The following AATF variants were observed in gnomAD, a reference collection of about 807,000 sequenced individuals.
AATF encodes protein AATF.
In AATF, 48 loss-of-function variants were observed where a neutral mutation model predicts 63.7. That is an observed-to-expected ratio of 0.75 (90% CI 0.60 to 0.96). The LOEUF is 0.96. AATF is among the 40% of genes least tolerant of loss of function. The pLI, the probability that AATF is intolerant of heterozygous loss-of-function variation, is 0.00. For missense variants in AATF, 639 were observed against 685.7 expected, an observed-to-expected ratio of 0.93 and a Z score of 0.76; for synonymous variants, 258 against 247.7, an observed-to-expected ratio of 1.04 and a Z score of -0.39.
Position 37,020,940 on chromosome 17 carries a change from G to T in AATF, c.1473G>T (p.Trp491Cys). The T allele has an allele frequency of 1.2e-6, 2 of 1,610,752 alleles. No individual in the cohort carries two copies. Among genetic ancestry groups the T allele is most frequent in the Non-Finnish European group, 1.7e-6 (2 of 1,178,466 alleles). ...PNDQVAMGRQ[W>C]LAIQKLRSKI... ...TTGCTTGTGAATTTTCCAGGCAGTG[G>T]CTTGCAATCCAGAAGTTACGAAGCA... Residue 491 changes from tryptophan (W) to cysteine (C), a missense_variant, in exon 10 of 12, where the codon TGG becomes TGT. Transcript: ENST00000619387.
At chr17:36,985,407 T>C (rs932088387) in intron 4 of AATF, among the ~76,000 whole-genome samples, 5 of 151,040 alleles carry the variant, frequency 3.3e-5, no homozygotes, top group Non-Finnish European at 7.4e-5. Flanking sequence ...ACCAAGTAGC[T>C]GGAACTACAG....
rs372820255 is a variant in AATF, at chr17:37,052,981, C to T, written c.1620-3620C>T. Among the ~76,000 whole-genome samples the T allele has an allele frequency of 1.7e-4, 26 of 152,212 alleles. No individual in the cohort carries two copies. The South Asian group carries it at 5.4e-3, about 32-fold the overall frequency. ...TAATGTTTGGGGACGAGTCACTGTG[C>T]GATTTTTTGTGTGTGCTGTATAATT... On this transcript the variant is annotated intron_variant, in intron 11 of 11. Coordinates refer to ENST00000619387, the MANE Select transcript of AATF (RefSeq NM_012138.4).
At chr17:37,012,772 A>G (rs552801565) in intron 8 of AATF, among the ~76,000 whole-genome samples, 91 of 152,310 alleles carry the variant, frequency 6.0e-4, no homozygotes, top group African/African-American at 2.2e-3. Context: ...TTTTCAACAA[A>G]TGGTATAATG....
intron 8 of AATF, among the ~76,000 whole-genome samples, chr17:37,016,631 A>G (rs1243888348): frequency 6.6e-6 from 1 of 152,234 alleles, no homozygotes; most frequent in Non-Finnish European, 1.5e-5. Context: ...ATTTTAGTAG[A>G]AAGGTTTATT....
intron 4 of AATF, 91 bp downstream of exon 4, chr17:36,953,998 G>T: frequency 2.3e-6 from 3 of 1,295,818 alleles, no homozygotes; most frequent in Admixed American, 2.3e-5. Flanking sequence ...CTTGAGCCAT[G>T]TTTATTGTGC....
In AATF at chr17:36,990,815, C is replaced by T. The variant is rs749927983; in HGVS notation, c.1356C>T (p.Asp452=). The change falls in exon 8 of 12, where the codon GAC becomes GAT. Residue 452 remains aspartate, a synonymous_variant. Coordinates refer to ENST00000619387, the MANE Select transcript of AATF (RefSeq NM_012138.4). ...PQAPANAHLK[D]LDEEIFDDDD... is the part of the protein sequence containing the mutation. ...CCCCTGCTAATGCTCATCTGAAGGA[C>T]TTGGATGAAGAAATCTTTGATGATG... The T allele has an allele frequency of 6.3e-7, 1 of 1,594,404 alleles. No homozygotes were observed. The highest frequency in any genetic ancestry group is 8.5e-7 in the Non-Finnish European group (1 of 1,173,310).
chr17:37,011,299 C>T (rs2071388735), intron 8 of AATF, among the ~76,000 whole-genome samples: 2 of 152,088 alleles, frequency 1.3e-5, no homozygotes, highest in African/African-American at 2.4e-5. Context: ...TGCTTGAAAC[C>T]GGGAGGTGGA....
At chr17:37,035,498 T>C (rs2071584472) in intron 11 of AATF, among the ~76,000 whole-genome samples, 1 of 152,128 alleles carries the variant, frequency 6.6e-6, no homozygotes, top group Non-Finnish European at 1.5e-5. Flanking sequence ...GAAATGTAAT[T>C]GGCAAAATCT....
At chr17:36,999,606 G>A (rs1451670782) in intron 8 of AATF, among the ~76,000 whole-genome samples, 6 of 152,176 alleles carry the variant, frequency 3.9e-5, no homozygotes, top group Non-Finnish European at 7.4e-5. Context: ...GTTCATTCTA[G>A]CTTAGAGGTA....
At chr17:37,031,005 G>T (rs2071547532) in intron 10 of AATF, among the ~76,000 whole-genome samples, 1 of 152,014 alleles carries the variant, frequency 6.6e-6, no homozygotes, top group Non-Finnish European at 1.5e-5. Context: ...TTCTTTTTTG[G>T]GGCTGTACTA....
chr17:36,960,839 C>G (rs141559175), intron 4 of AATF, among the ~76,000 whole-genome samples: 3 of 152,262 alleles, frequency 2.0e-5, no homozygotes, highest in East Asian at 3.9e-4. Flanking sequence ...TAAGATTGAT[C>G]TTTTTGCTTC....
At chr17:36,967,189 C>T (rs1329077506) in intron 4 of AATF, among the ~76,000 whole-genome samples, 1 of 152,076 alleles carries the variant, frequency 6.6e-6, no homozygotes, top group African/African-American at 2.4e-5. Flanking sequence ...CTTATTCCTA[C>T]TACACTCATG....
At chr17:36,955,172 G>A (rs974970153) in intron 4 of AATF, among the ~76,000 whole-genome samples, 16 of 152,140 alleles carry the variant, frequency 1.1e-4, no homozygotes, top group African/African-American at 3.9e-4. Flanking sequence ...GAGTTGGAAG[G>A]GACCTGAGGA....
Position 37,056,583 on chromosome 17 carries a change from G to T in AATF, c.1620-18G>T. ...AGTGAACCAGTGTGTTAACCAGTTT[G>T]CTGTGTTTGTCTTTTAGGACAGAAC... On this transcript the variant is annotated intron_variant, in intron 11 of 11. Coordinates refer to ENST00000619387, the MANE Select transcript of AATF (RefSeq NM_012138.4). 6.2e-7 allele frequency: 1 copy of T among 1,613,964 alleles called. No homozygotes were observed. The highest frequency in any genetic ancestry group is 8.5e-7 in the Non-Finnish European group (1 of 1,179,896).
At chr17:36,966,578 A>AT (rs1169311533) in intron 4 of AATF, among the ~76,000 whole-genome samples, 1 of 151,938 alleles carries the variant, frequency 6.6e-6, no homozygotes, top group African/African-American at 2.4e-5. Flanking sequence ...TGAAGTTTTC[A>AT]TTTTAAATCA....
At chr17:37,044,304 C>G (rs1279782675) in intron 11 of AATF, among the ~76,000 whole-genome samples, 9 of 152,160 alleles carry the variant, frequency 5.9e-5, no homozygotes, top group Admixed American at 5.2e-4. Flanking sequence ...CCATGCTAAA[C>G]CATTGCACCG....
intron 4 of AATF, among the ~76,000 whole-genome samples, 163 bp downstream of exon 4, chr17:36,954,070 T>TC (rs2070879750): frequency 6.7e-6 from 1 of 148,750 alleles, no homozygotes; most frequent in African/African-American, 2.5e-5. Flanking sequence ...AGTTGCTTTT[T>TC]TTTTTTTTTT....
At chr17:36,997,062 C>CT (rs1224384155) in intron 8 of AATF, among the ~76,000 whole-genome samples, 1 of 152,252 alleles carries the variant, frequency 6.6e-6, no homozygotes, top group East Asian at 1.9e-4. Context: ...CAAAATTACC[C>CT]TTTTTGTACT....
rs73985315 is a variant in AATF at position 36,954,972 on chromosome 17, T to C, written c.832+1065T>C. The stretch of plus-strand genomic sequence containing the variant: ...AAAGAGATATCTATATCCATAGATA[T>C]AGATATATATGTATAGATTATGTAT... On this transcript the variant is annotated intron_variant, in intron 4 of 11. Transcript: ENST00000619387. Among the ~76,000 whole-genome samples, 656 of 152,218 alleles carry C rather than the reference T, an allele frequency of 4.3e-3. 3 individuals carry two copies. The highest frequency in any genetic ancestry group is 0.015 in the African/African-American group (623 of 41,540).
Sources: gnomAD v4.1 joint callset for allele counts (sites outside exome capture counted in the v4.1 genomes callset) on GRCh38, gnomAD v4.1.1 for gene constraint, MANE v1.5 for transcripts, NCBI Gene and HGNC (gene_info 2026-07-23, HGNC 2026-07-21) for gene names.